Variants in CCDC85C observed in about 807,000 individuals in gnomAD.
The protein encoded by CCDC85C is coiled-coil domain containing 85C, also known as coiled-coil domain-containing protein 85C.
CCDC85C carries 18 observed loss-of-function variants against 38.3 expected under a neutral mutation model. That is an observed-to-expected ratio of 0.47 (90% confidence interval 0.33 to 0.70). CCDC85C has a LOEUF of 0.70. CCDC85C is among the 30% of genes least tolerant of loss of function. The pLI is 0.03. For missense variants in CCDC85C, 566 were observed against 621.2 expected, an observed-to-expected ratio of 0.91 and a Z score of 0.94; for synonymous variants, 264 against 293.8, an observed-to-expected ratio of 0.90 and a Z score of 1.04.
chr14:99,541,891 C>A (rs1290298119), intron 1 of CCDC85C, among the ~76,000 whole-genome samples: 1 of 152,228 alleles, frequency 6.6e-6, no homozygotes, highest in Non-Finnish European at 1.5e-5. Context: ...TGGTGACACA[C>A]AGAGCCTGAC....
At position 99,503,021 on chromosome 14, in the gene CCDC85C, T is replaced by A. The variant is rs3918091; in HGVS notation, c.*12225A>T. The A allele has an allele frequency of 2.2e-4, 357 of 1,611,980 alleles. 1 individual carries two copies. In the African/African-American group the frequency reaches 4.1e-3, roughly 18 times the overall value. On this transcript the variant is annotated 3_prime_UTR_variant, in exon 6 of 6. Transcript: ENST00000380243. ...AAAGCAGGCCCTGGGTAGAGCAGGC[T>A]TTCCAGGTGGCGGCAACACCTGAGC... is the stretch of plus-strand genomic sequence containing the variant.
intron 1 of CCDC85C, among the ~76,000 whole-genome samples, chr14:99,538,237 C>T (rs1362026396): frequency 6.6e-6 from 1 of 151,896 alleles, no homozygotes; most frequent in African/African-American, 2.4e-5. Context: ...TCCAGCCCCT[C>T]TCCCCACTAC....
chr14:99,580,477 G>A (rs1393447010), intron 1 of CCDC85C, among the ~76,000 whole-genome samples: 2 of 145,442 alleles, frequency 1.4e-5, no homozygotes, highest in African/African-American at 5.1e-5. Flanking sequence ...GAGGGGAGGG[G>A]GGGAAGGGGG....
rs1162296137 is a variant in CCDC85C at position 99,572,251 on chromosome 14, C to G, written c.793+30916G>C. On this transcript the variant is annotated intron_variant, in intron 1 of 5. Transcript: ENST00000380243. This position sits in a 1 kb window ranked among gnomAD's most constrained non-coding sequence, Gnocchi z 4.4. ...GTGAATGGCCAGGCTGTGGCCCTCC[C>G]CGAGAGTCCCTCCCTCCCCAGGGAT... 6.6e-6 allele frequency among the ~76,000 whole-genome samples: 1 copy of G among 152,190 alleles called. No individual in the cohort carries two copies. Among genetic ancestry groups the G allele is most frequent in the Non-Finnish European group, 1.5e-5 (1 of 68,038 alleles).
chr14:99,525,484 G>C lies in CCDC85C; in HGVS notation c.868-3244C>G, dbSNP rs192356854. ...GGATGGGTGGGGTGGCTGCAGGCAG[G>C]AAGCGCCTTTCTGGGCTGTGCTTAG... On this transcript the variant is annotated intron_variant, in intron 2 of 5. Coordinates refer to ENST00000380243, the MANE Select transcript of CCDC85C (RefSeq NM_001144995.2). 8.8e-4 allele frequency among the ~76,000 whole-genome samples: 134 copies of C among 152,354 alleles called. 2 individuals carry two copies. The South Asian group carries it at 0.011, about 12-fold the overall frequency.
At chr14:99,519,422 G>T (rs1228445276) in intron 3 of CCDC85C, among the ~76,000 whole-genome samples, 1 of 151,800 alleles carries the variant, frequency 6.6e-6, no homozygotes. Context: ...TGGCCTACAT[G>T]CCCACTTTAC....
At position 99,522,247 on chromosome 14, in the gene CCDC85C, G is replaced by A. The variant is rs563558623; in HGVS notation, c.868-7C>T. The A allele has an allele frequency of 6.5e-7, 1 of 1,542,828 alleles. No individual in the cohort carries two copies. Among genetic ancestry groups the A allele is most frequent in the South Asian group, 1.2e-5 (1 of 83,908 alleles). On this transcript the variant is annotated splice_polypyrimidine_tract_variant and splice_region_variant and intron_variant, in intron 2 of 5. Coordinates refer to ENST00000380243, the MANE Select transcript of CCDC85C (RefSeq NM_001144995.2). ...ACTCTCCGGAGCCTGCCTGCTGCAG[G>A]GGAGAGAAGGAGAGGGGTTAGACGG...
At chr14:99,525,210 G>A (rs868332162) in intron 2 of CCDC85C, among the ~76,000 whole-genome samples, 1 of 152,182 alleles carries the variant, frequency 6.6e-6, no homozygotes, top group Non-Finnish European at 1.5e-5. Flanking sequence ...GCGAGGACTC[G>A]CTGGGTGAAC....
intron 2 of CCDC85C, among the ~76,000 whole-genome samples, chr14:99,530,616 G>C (rs1335773488): frequency 6.6e-6 from 1 of 152,246 alleles, no homozygotes; most frequent in Non-Finnish European, 1.5e-5. Context: ...AGGACAAAGA[G>C]CAGCGGTTCC....
chr14:99,578,299 TCCC>T (rs1450809875), intron 1 of CCDC85C, among the ~76,000 whole-genome samples: 2 of 135,036 alleles, frequency 1.5e-5, no homozygotes, highest in African/African-American at 5.7e-5. Flanking sequence ...CCATCCTATA[TCCC>T]CCATCAGTGT....
rs1269200938 is a variant in CCDC85C at position 99,604,195 on chromosome 14, C to T, written c.-236G>A. ...GCGTCGGCGGCCGCGGTGCCGGGCG[C>T]TCTCAGGGTTCTGGAGAAGCAGGCG... On this transcript the variant is annotated 5_prime_UTR_variant, in exon 1 of 6. Transcript: ENST00000380243. Among the ~76,000 whole-genome samples, 1 of 148,454 alleles carries T rather than the reference C, an allele frequency of 6.7e-6. No homozygotes were observed. The highest frequency in any genetic ancestry group is 2.0e-4 in the East Asian group (1 of 5,096).
At position 99,596,369 on chromosome 14, in the gene CCDC85C, G is replaced by GA. The variant is rs140364076; in HGVS notation, c.793+6797dup. On this transcript the variant is annotated intron_variant, in intron 1 of 5. Transcript: ENST00000380243. ...TTGAGGAATCAGGAAGAAGGAAAGG[G>GA]AATCAGACCCTCGCTTCCTCCCCAG... Among the ~76,000 whole-genome samples, 3 of 152,080 alleles carry GA rather than the reference G, an allele frequency of 2.0e-5. No homozygotes were observed. In the East Asian group the frequency reaches 5.8e-4, roughly 29 times the overall value.
At chr14:99,570,709 T>G (rs1898320339) in intron 1 of CCDC85C, among the ~76,000 whole-genome samples, 1 of 152,098 alleles carries the variant, frequency 6.6e-6, no homozygotes, top group Non-Finnish European at 1.5e-5. Flanking sequence ...TATCTAGATA[T>G]TCACCTTCCC....
Position 99,515,335 on chromosome 14 carries a change from C to T in CCDC85C, c.1171G>A (p.Val391Met). ...EKAIVREMCN[V>M]VWRKLGDAAS... The stretch of plus-strand genomic sequence containing the variant: ...GCATCTCCCAGCTTTCTCCAGACCA[C>T]CTGTGGAGAGGAGAGAGATGTGAGT... Residue 391 changes from valine (V) to methionine (M), a missense_variant and splice_region_variant, in exon 6 of 6, where the codon GTG (valine) becomes ATG (methionine). Coordinates refer to ENST00000380243, the MANE Select transcript of CCDC85C (RefSeq NM_001144995.2). The T allele has an allele frequency of 6.5e-7, 1 of 1,549,502 alleles. No homozygotes were observed. Among genetic ancestry groups the T allele is most frequent in the Non-Finnish European group, 8.7e-7 (1 of 1,145,888 alleles).
chr14:99,554,726 C>G lies in CCDC85C; in HGVS notation c.794-18638G>C, dbSNP rs557196204. Among the ~76,000 whole-genome samples the G allele has an allele frequency of 3.9e-5, 6 of 152,344 alleles. No homozygotes were observed. The East Asian group carries it at 1.2e-3, about 29-fold the overall frequency. On this transcript the variant is annotated intron_variant, in intron 1 of 5. Coordinates refer to ENST00000380243, the MANE Select transcript of CCDC85C (RefSeq NM_001144995.2). Reference sequence around the variant, plus strand: ...CTAACTGGGCTCTCAGAAAAGCCAACGGGCATGCCTGAGGTCCCACCTTGA... The same window carrying G: ...CTAACTGGGCTCTCAGAAAAGCCAAGGGGCATGCCTGAGGTCCCACCTTGA...
intron 2 of CCDC85C, among the ~76,000 whole-genome samples, chr14:99,530,041 A>T (rs1460624436): frequency 6.6e-6 from 1 of 152,204 alleles, no homozygotes; most frequent in Admixed American, 6.5e-5. Context: ...GGCAGGTGGC[A>T]CTAGTGAGAC....
intron 1 of CCDC85C, among the ~76,000 whole-genome samples, chr14:99,568,430 CTCAGAACCTCTG>C (rs1296739031): frequency 6.6e-6 from 1 of 152,022 alleles, no homozygotes; most frequent in Admixed American, 6.5e-5. Flanking sequence ...GCCTTCCTCT[CTCAGAACCTCTG>C]TCCGAGGCAG....
intron 1 of CCDC85C, among the ~76,000 whole-genome samples, chr14:99,587,775 C>T (rs2055043052): frequency 6.6e-6 from 1 of 152,206 alleles, no homozygotes; most frequent in East Asian, 1.9e-4. Context: ...TGCCCCCTTA[C>T]TGCACGGGGG....
intron 3 of CCDC85C, among the ~76,000 whole-genome samples, chr14:99,518,769 G>A (rs1595337372): frequency 6.6e-6 from 1 of 152,362 alleles, no homozygotes; most frequent in East Asian, 1.9e-4. Context: ...CTAGGGGGCT[G>A]GGATTTCTGC....
Sources: gnomAD v4.1 joint callset for allele counts (sites outside exome capture counted in the v4.1 genomes callset) on GRCh38, gnomAD v4.1.1 for gene constraint, Gnocchi (gnomAD v3.1) non-coding constraint, MANE v1.5 for transcripts, NCBI Gene and HGNC (gene_info 2026-07-23, HGNC 2026-07-21) for gene names.